Variants in ACSF3 observed in about 807,000 individuals in gnomAD.
ACSF3 encodes acyl-CoA synthetase family member 3, also known as malonate--CoA ligase ACSF3, mitochondrial.
In ACSF3, 78 loss-of-function variants were observed where a neutral mutation model predicts 53.2. The observed-to-expected ratio is 1.47, with a 90% CI of 1.22 to 1.77. The LOEUF is 1.77. ACSF3 is among the 40% of genes most tolerant of loss of function. The pLI is 0.00. For missense variants in ACSF3, 937 were observed against 771.1 expected (o/e 1.22, Z -2.55); for synonymous variants, 414 against 333.1 (o/e 1.24, Z -2.65).
chr16:89,155,856 T>A lies in ACSF3; in HGVS notation c.*1649T>A, dbSNP rs1914658820. ...TGCTTTATCCGATAGTATACATCAG[T>A]ATATCATGCTTTCGAAATAATGAGT... On this transcript the variant is annotated 3_prime_UTR_variant, in exon 11 of 11. Coordinates refer to ENST00000614302, the MANE Select transcript of ACSF3 (RefSeq NM_001243279.3). The A allele has an allele frequency of 2.3e-6, 1 of 431,342 alleles. No individual in the cohort carries two copies. Among genetic ancestry groups the A allele is most frequent in the Admixed American group, 2.6e-5 (1 of 38,418 alleles). The allele number at this position is 431,342 out of a possible 1,614,324, so 26.7% of individuals were successfully genotyped here.
In ACSF3 at chr16:89,120,862, G is replaced by A. The variant is rs1378994162; in HGVS notation, c.1188G>A (p.Arg396=). The A allele has an allele frequency of 6.2e-7, 1 of 1,614,106 alleles. No individual in the cohort carries two copies. Among genetic ancestry groups the A allele is most frequent in the Admixed American group, 1.7e-5 (1 of 60,032 alleles). Residue 396 remains arginine, a synonymous_variant, in exon 7 of 11, where the codon AGG becomes AGA. Transcript: ENST00000614302. ...QVRIVSENPQ[R]EACSYTIHAE... Reference sequence around the variant, plus strand: ...GCATTGTCTCAGAAAACCCACAGAGGGAAGCCTGCTCCTACACCATCCACG... The same window carrying A: ...GCATTGTCTCAGAAAACCCACAGAGAGAAGCCTGCTCCTACACCATCCACG...
At chr16:89,115,245 CTG>C (rs1904905664) in intron 6 of ACSF3, 1 of 154,978 alleles carries the variant, frequency 6.5e-6, no homozygotes, top group Admixed American at 6.3e-5. Flanking sequence ...GCGTGCAGCT[CTG>C]TGTGTCTTAA....
Position 89,141,220 on chromosome 16 carries a change from C to T in ACSF3, c.1367-4047C>T, listed in dbSNP as rs888743300. ...CTCTGAGCCCTTGATAGCAGCGTCC[C>T]AGCCTGGAAGAACAAAACCAGCCAC... On this transcript the variant is annotated intron_variant, in intron 8 of 10. Coordinates refer to ENST00000614302, the MANE Select transcript of ACSF3 (RefSeq NM_001243279.3). 4 of 1,287,092 alleles carry T rather than the reference C, an allele frequency of 3.1e-6. No homozygotes were observed. In the African/African-American group the frequency reaches 6.1e-5, roughly 20 times the overall value. 79.7% of individuals were successfully genotyped at this position (1,287,092 alleles called of 1,614,324 possible). A position where few individuals can be genotyped will look rare whatever the true frequency, so the allele number is the denominator to read the frequency against.
intron 5 of ACSF3, among the ~76,000 whole-genome samples, chr16:89,112,736 G>C (rs773507045): frequency 6.6e-6 from 1 of 150,810 alleles, no homozygotes; most frequent in African/African-American, 2.4e-5. Flanking sequence ...TCTCCTGTCC[G>C]TCTCTCTCTC....
At chr16:89,135,504 T>C (rs1221616906) in intron 8 of ACSF3, among the ~76,000 whole-genome samples, 1 of 152,250 alleles carries the variant, frequency 6.6e-6, no homozygotes, top group Non-Finnish European at 1.5e-5. Flanking sequence ...GGCACCTTCG[T>C]GGGCTGGACA....
chr16:89,097,568 C>T (rs1974770249), intron 1 of ACSF3, among the ~76,000 whole-genome samples: 1 of 152,226 alleles, frequency 6.6e-6, no homozygotes, highest in Non-Finnish European at 1.5e-5. Flanking sequence ...TAAAGCAGTG[C>T]AGGATCGGTT....
chr16:89,124,039 TCACA>T (rs549170143), intron 7 of ACSF3, among the ~76,000 whole-genome samples: 12 of 151,178 alleles, frequency 7.9e-5, no homozygotes, highest in East Asian at 2.0e-4. Context: ...CACACTGGTA[TCACA>T]CACATGCAGT....
intron 5 of ACSF3, chr16:89,113,851 G>A: frequency 3.6e-6 from 1 of 276,462 alleles, no homozygotes; most frequent in Non-Finnish European, 7.2e-6. Context: ...CACCCCTTGG[G>A]TGCCGCGGCC....
chr16:89,140,966 C>A, intron 8 of ACSF3: 1 of 907,500 alleles, frequency 1.1e-6, no homozygotes, highest in Non-Finnish European at 1.5e-6. Context: ...ACATACACAG[C>A]CCATTGGCAG....
At position 89,154,381 on chromosome 16, in the gene ACSF3, G is replaced by A. The variant is rs918044893; in HGVS notation, c.*174G>A. 4.9e-5 allele frequency: 35 copies of A among 716,170 alleles called. No individual in the cohort carries two copies. The highest frequency in any genetic ancestry group is 4.4e-4 in the Admixed American group (22 of 49,480). 44.4% of individuals were successfully genotyped at this position (716,170 alleles called of 1,614,324 possible). On this transcript the variant is annotated 3_prime_UTR_variant, in exon 11 of 11. Transcript: ENST00000614302. ...ATCACCATGTGGGGTCCCCAGCCTC[G>A]GGCCAGTTGTTGCAGCTCAAGGAGA... is the stretch of plus-strand genomic sequence containing the variant.
At chr16:89,128,959 C>G (rs1908722185) in intron 7 of ACSF3, among the ~76,000 whole-genome samples, 1 of 85,290 alleles carries the variant, frequency 1.2e-5, no homozygotes, top group Non-Finnish European at 2.4e-5. Flanking sequence ...GACCCCATCT[C>G]TACAAAAAGT....
At chr16:89,147,148 G>C (rs1420194854) in intron 10 of ACSF3, among the ~76,000 whole-genome samples, 1 of 147,318 alleles carries the variant, frequency 6.8e-6, no homozygotes, top group Non-Finnish European at 1.5e-5. Flanking sequence ...AGGAGCCACA[G>C]AGTGAGTGAG....
rs1321315792 is a variant in ACSF3, at chr16:89,133,255, T to C, written c.1359T>C (p.Phe453=). 1 of 1,613,920 alleles carries C rather than the reference T, an allele frequency of 6.2e-7. No homozygotes were observed. The highest frequency in any genetic ancestry group is 1.3e-5 in the African/African-American group (1 of 74,934). Residue 453 remains phenylalanine, a synonymous_variant, in exon 8 of 11, where the codon TTT becomes TTC. Transcript: ENST00000614302. ...GTGCATTCACCCTGGATGGCTGGTT[T>C]AAGACAGGTAGGACCCAGCCCCATG... ...TKSAFTLDGW[F]KTGDTVVFKD... is the part of the protein sequence containing the mutation.
intron 7 of ACSF3, among the ~76,000 whole-genome samples, chr16:89,129,134 G>A (rs1307850958): frequency 6.6e-6 from 1 of 152,066 alleles, no homozygotes; most frequent in East Asian, 1.9e-4. Context: ...TGTCCTGCTC[G>A]TTTTAGGAAA....
At chr16:89,150,870 C>A in intron 10 of ACSF3, 1 of 743,674 alleles carries the variant, frequency 1.3e-6, no homozygotes, top group African/African-American at 1.8e-5. Flanking sequence ...CTTGTCCATT[C>A]ACCATGAAAG....
intron 2 of ACSF3, among the ~76,000 whole-genome samples, chr16:89,099,640 G>A (rs8053006): frequency 0.72 from 108,625 of 151,740 alleles, 39,564 homozygotes; most frequent in Non-Finnish European, 0.78. Flanking sequence ...AAATTAGCCA[G>A]GCATGGTGGT....
At chr16:89,096,307 G>C (rs1974609247) in intron 1 of ACSF3, among the ~76,000 whole-genome samples, 1 of 152,210 alleles carries the variant, frequency 6.6e-6, no homozygotes, top group African/African-American at 2.4e-5. Flanking sequence ...TGCTCCTGGT[G>C]GTGATGGGGA....
chr16:89,100,867 G>C lies in ACSF3; in HGVS notation c.186G>C (p.Gln62His). Reference sequence around the variant, plus strand: ...GGGACAGAATCGCCCTGGTTGACCAGCACGGCCGCCACACGTACAGGGAGC... The same window carrying C: ...GGGACAGAATCGCCCTGGTTGACCACCACGGCCGCCACACGTACAGGGAGC... ...AFGDRIALVD[Q>H]HGRHTYRELY... is the part of the protein sequence containing the mutation. The change falls in exon 3 of 11, where the codon CAG becomes CAC. Residue 62 changes from glutamine to histidine, a missense_variant. Gln to His is a conservative substitution (Grantham distance 24). Transcript: ENST00000614302. 1 of 1,613,592 alleles carries C rather than the reference G, an allele frequency of 6.2e-7. No individual in the cohort carries two copies.
chr16:89,095,990 C>T (rs1974571958), intron 1 of ACSF3, among the ~76,000 whole-genome samples: 1 of 152,162 alleles, frequency 6.6e-6, no homozygotes, highest in Admixed American at 6.5e-5. Context: ...ATGTGTGTTC[C>T]CGAGAAGCCC....
Sources: gnomAD v4.1 joint callset for allele counts (sites outside exome capture counted in the v4.1 genomes callset) on GRCh38, gnomAD v4.1.1 for gene constraint, MANE v1.5 for transcripts, NCBI Gene and HGNC (gene_info 2026-07-23, HGNC 2026-07-21) for gene names.